CD81: variants seen among roughly 807,000 people sequenced by gnomAD.
CD81 encodes CD81 molecule.
In CD81, 10 loss-of-function variants were observed where a neutral mutation model predicts 30.1. The observed-to-expected ratio is 0.33, with a 90% CI of 0.21 to 0.56. The LOEUF (loss-of-function observed/expected upper bound fraction) is 0.56. CD81 is among the 20% of genes least tolerant of loss of function. The probability of loss-of-function intolerance (pLI) is 0.89; values close to 1 mark genes in which losing one functional copy is unlikely to be tolerated. For missense variants in CD81, 263 were observed against 308.7 expected, an observed-to-expected ratio of 0.85 and a Z score of 1.11; for synonymous variants, 147 against 126.4, an observed-to-expected ratio of 1.16 and a Z score of -1.10.
intron 1 of CD81, 70 bp from the exon 2 acceptor site, chr11:2,390,342 C>T (rs112010891): frequency 3.7e-5 from 45 of 1,202,056 alleles, no homozygotes; most frequent in African/African-American, 3.3e-4. Flanking sequence ...TTAGGCCTTG[C>T]GTGTGGGGTG....
chr11:2,396,023 G>A (rs965104938), intron 6 of CD81, 53 bp downstream of exon 6: 3 of 1,285,652 alleles, frequency 2.3e-6, no homozygotes, highest in Non-Finnish European at 3.4e-6. Context: ...CCGCCCCTGG[G>A]TGGGGTCCTA....
Position 2,396,692 on chromosome 11 carries a change from C to T in CD81, c.626C>T (p.Ala209Val). Residue 209 changes from alanine to valine, a missense_variant, in exon 7 of 8, where the codon GCC becomes GTC. By Grantham distance (64) the Ala-to-Val change is moderately conservative. Coordinates refer to ENST00000263645, the MANE Select transcript of CD81 (RefSeq NM_004356.4). ...AAGCTGTACCTCATCGGCATTGCTGCCATCGTGGTCGCTGTGATCATGGTG... is the reference window on the plus strand; with the variant it reads ...AAGCTGTACCTCATCGGCATTGCTGTCATCGTGGTCGCTGTGATCATGGTG... ...SGKLYLIGIA[A>V]IVVAVIMIFE... 6.2e-7 allele frequency: 1 copy of T among 1,611,792 alleles called. No homozygotes were observed. The highest frequency in any genetic ancestry group is 8.5e-7 in the Non-Finnish European group (1 of 1,179,994).
Position 2,395,057 on chromosome 11 carries a change from G to T in CD81, c.354+11G>T, listed in dbSNP as rs1266063997. The stretch of plus-strand genomic sequence containing the variant: ...GTCAACAAGGACCAGGTGAGCCTGG[G>T]TGTGCAGGGACAGGGTGGGGTGGGT... On this transcript the variant is annotated intron_variant, in intron 4 of 7. Coordinates refer to ENST00000263645, the MANE Select transcript of CD81 (RefSeq NM_004356.4). 4 of 1,608,802 alleles carry T rather than the reference G, an allele frequency of 2.5e-6. No homozygotes were observed. Among genetic ancestry groups the T allele is most frequent in the Non-Finnish European group, 3.4e-6 (4 of 1,177,626 alleles).
rs764021437 is a variant in CD81 at position 2,395,014 on chromosome 11, G to T, written c.322G>T (p.Ala108Ser). Reference protein sequence around the residue: ...LVILFACEVAAGIWGFVNKDQ... With the variant: ...LVILFACEVASGIWGFVNKDQ... ...CATCCTGTTTGCCTGTGAGGTGGCC[G>T]CCGGCATCTGGGGCTTTGTCAACAA... Residue 108 changes from alanine (A) to serine (S), a missense_variant, in exon 4 of 8, where the codon GCC (alanine) becomes TCC (serine). This residue lies in a region of CD81 where 176 missense variants were observed against 192.9 expected (regional missense o/e 0.91). Transcript: ENST00000263645. 3.1e-6 allele frequency: 5 copies of T among 1,612,542 alleles called. No homozygotes were observed. Among genetic ancestry groups the T allele is most frequent in the Non-Finnish European group, 3.4e-6 (4 of 1,179,952 alleles).
intron 1 of CD81, among the ~76,000 whole-genome samples, chr11:2,379,445 G>GGGGGGGTTGAGGGAGGGTGTGGACC (rs1849666059): frequency 2.0e-5 from 3 of 146,874 alleles, no homozygotes; most frequent in Non-Finnish European, 4.6e-5. Context: ...GGACCTGGGG[G>GGGGGGGTTGAGGGAGGGTGTGGACC]TGGGGGTTGA....
At chr11:2,379,076 G>A (rs1029508573) in intron 1 of CD81, 1 of 442,978 alleles carries the variant, frequency 2.3e-6, no homozygotes, top group African/African-American at 2.0e-5. Context: ...GGAGGGGCTC[G>A]CCTTCCCCAG....
At chr11:2,384,625 C>T (rs1849759799) in intron 1 of CD81, 1 of 177,788 alleles carries the variant, frequency 5.6e-6, no homozygotes, top group African/African-American at 2.4e-5. Context: ...CAGAGGGCGC[C>T]TCCGGAGGCT....
rs1850030273 is a variant in CD81, at chr11:2,397,233, T to C, written c.*367T>C. ...CTGTGTCCACCCAGCCCGCCCGTCC[T>C]GTGGGCTGCACAGCTCACCTTGTTC... On this transcript the variant is annotated 3_prime_UTR_variant, in exon 8 of 8. Transcript: ENST00000263645. 3 of 386,644 alleles carry C rather than the reference T, an allele frequency of 7.8e-6. No individual in the cohort carries two copies. Among genetic ancestry groups the C allele is most frequent in the East Asian group, 6.1e-5 (1 of 16,334 alleles). The allele number at this position is 386,644 out of a possible 1,614,324, so 24.0% of individuals were successfully genotyped here. A position where few individuals can be genotyped will look rare whatever the true frequency, so the allele number is the denominator to read the frequency against.
chr11:2,388,043 C>G (rs1849827577), intron 1 of CD81, among the ~76,000 whole-genome samples: 1 of 152,134 alleles, frequency 6.6e-6, no homozygotes, highest in African/African-American at 2.4e-5. Context: ...CCAGCAGCCC[C>G]TATGAGGCTT....
intron 1 of CD81, among the ~76,000 whole-genome samples, chr11:2,383,564 A>C (rs1849737014): frequency 6.6e-6 from 1 of 151,968 alleles, no homozygotes; most frequent in Non-Finnish European, 1.5e-5. Context: ...AGGGTGTCTC[A>C]GGCCCCAGCA....
chr11:2,382,010 T>C (rs1849712496), intron 1 of CD81, among the ~76,000 whole-genome samples: 1 of 152,264 alleles, frequency 6.6e-6, no homozygotes, highest in South Asian at 2.1e-4. Context: ...CAACCTGGGC[T>C]GCAGAGCAAG....
At chr11:2,377,287 A>G (rs1398796943), upstream of CD81, 4 of 151,086 alleles carry the variant, frequency 2.6e-5, no homozygotes, top group South Asian at 5.7e-4. This position sits in a 1 kb window ranked among gnomAD's most constrained non-coding sequence, Gnocchi z 7.7. Flanking sequence ...CCCTATAAGT[A>G]CTGCGGAGCG....
At chr11:2,382,709 A>G (rs957050020) in intron 1 of CD81, among the ~76,000 whole-genome samples, 36 of 152,188 alleles carry the variant, frequency 2.4e-4, no homozygotes, top group Non-Finnish European at 7.3e-5. Context: ...GGAGCATGAT[A>G]TCCGCTGCGG....
At chr11:2,393,975 T>A (rs745826699) in intron 2 of CD81, 120 bp from the exon 3 acceptor site, 1 of 779,932 alleles carries the variant, frequency 1.3e-6, no homozygotes, top group Non-Finnish European at 2.3e-6. Context: ...TCCCTGGCAG[T>A]CAGCAACCCT....
intron 3 of CD81, 185 bp from the exon 4 acceptor site, chr11:2,394,787 C>G (rs1412166313): frequency 3.0e-6 from 2 of 670,716 alleles, no homozygotes; most frequent in African/African-American, 3.5e-5. Context: ...ACGGCTCCTC[C>G]CTGCGCTGAG....
At chr11:2,377,172 G>T (rs1284494952), upstream of CD81, 1 of 152,424 alleles carries the variant, frequency 6.6e-6, no homozygotes, top group Middle Eastern at 3.2e-3. The surrounding 1 kb of genome is among the most constrained non-coding windows in gnomAD (Gnocchi z 7.7). Flanking sequence ...GGTAGGTGCA[G>T]CGACCCCATA....
intron 1 of CD81, among the ~76,000 whole-genome samples, chr11:2,383,140 A>C (rs1053920733): frequency 6.6e-6 from 1 of 152,188 alleles, no homozygotes. Context: ...AGATGCTGAG[A>C]CAGGCGGCTT....
At chr11:2,384,179 T>A (rs1849746340) in intron 1 of CD81, among the ~76,000 whole-genome samples, 3 of 152,044 alleles carry the variant, frequency 2.0e-5, no homozygotes. Flanking sequence ...CAAACACTGC[T>A]TTTAGTAGCC....
chr11:2,377,558 G>A lies in CD81; in HGVS notation c.9G>A (p.Val3=). 1 of 1,483,028 alleles carries A rather than the reference G, an allele frequency of 6.7e-7. No individual in the cohort carries two copies. The highest frequency in any genetic ancestry group is 9.0e-7 in the Non-Finnish European group (1 of 1,108,038). 91.9% of individuals were successfully genotyped at this position (1,483,028 alleles called of 1,614,324 possible). The stretch of plus-strand genomic sequence containing the variant: ...CCGCCGCCCGCGCCGCCATGGGAGT[G>A]GAGGGCTGCACCAAGTGCATCAAGT... MG[V]EGCTKCIKYL... Residue 3 remains valine (V), a synonymous_variant, in exon 1 of 8, where the codon GTG becomes GTA. Transcript: ENST00000263645. The surrounding 1 kb of genome is among the most constrained non-coding windows in gnomAD (Gnocchi z 7.7).
Sources: gnomAD v4.1 joint callset for allele counts (sites outside exome capture counted in the v4.1 genomes callset) on GRCh38, gnomAD v4.1.1 for gene constraint, gnomAD v4.1.1 regional missense constraint, Gnocchi (gnomAD v3.1) non-coding constraint, MANE v1.5 for transcripts, NCBI Gene and HGNC (gene_info 2026-07-23, HGNC 2026-07-21) for gene names.